The following CUL2 variants were observed in gnomAD, a reference collection of about 807,000 sequenced individuals.
CUL2 encodes the protein cullin-2.
CUL2 carries 22 observed loss-of-function variants against 110.2 expected under a neutral mutation model. That is an observed-to-expected ratio of 0.20 (90% CI 0.14 to 0.28). The LOEUF is 0.28. Ranked by LOEUF, CUL2 falls within the 10% of genes least tolerant of loss-of-function variation. CUL2 has a pLI of 1.00. For synonymous variants in CUL2, 279 were observed against 293.2 expected (o/e 0.95, Z 0.49); for missense variants, 631 against 905.5 (o/e 0.70, Z 3.89).
rs113575976 is a variant in CUL2, at chr10:35,050,501, C to T, written c.424-736G>A. Among the ~76,000 whole-genome samples the T allele has an allele frequency of 1.8e-3, 269 of 151,996 alleles. 1 individual carries two copies. Among genetic ancestry groups the T allele is most frequent in the African/African-American group, 6.0e-3 (248 of 41,496 alleles). On this transcript the variant is annotated intron_variant, in intron 5 of 20. Coordinates refer to ENST00000374749, the MANE Select transcript of CUL2 (RefSeq NM_003591.4). Reference sequence around the variant, plus strand: ...TTATACCAACATAAAAAGAGCAAGTCGGTTAAAAGAGTAATAAAACATTCC... The same window carrying T: ...TTATACCAACATAAAAAGAGCAAGTTGGTTAAAAGAGTAATAAAACATTCC...
intron 19 of CUL2, among the ~76,000 whole-genome samples, chr10:35,013,388 AC>A (rs112186161): frequency 0.013 from 2,048 of 151,748 alleles, 49 homozygotes; most frequent in African/African-American, 0.047. Context: ...CCCTTATTTT[AC>A]AAATGAAAAA....
intron 17 of CUL2, among the ~76,000 whole-genome samples, chr10:35,019,105 C>A (rs2085121340): frequency 6.6e-6 from 1 of 152,178 alleles, no homozygotes; most frequent in Non-Finnish European, 1.5e-5. Flanking sequence ...TAAAACATTA[C>A]ATAAATTGCA....
At chr10:35,116,728 A>G (rs547620717) in intron 1 of CUL2, among the ~76,000 whole-genome samples, 1 of 152,314 alleles carries the variant, frequency 6.6e-6, no homozygotes, top group South Asian at 2.1e-4. Flanking sequence ...GCATTTTGGG[A>G]GGCCAATGCA....
At chr10:35,051,241 G>A (rs1362965366) in intron 5 of CUL2, among the ~76,000 whole-genome samples, 2 of 147,636 alleles carry the variant, frequency 1.4e-5, no homozygotes, top group African/African-American at 5.0e-5. Flanking sequence ...TGTGAACCCG[G>A]GAGGCGGAGC....
Position 35,018,288 on chromosome 10 carries a change from CAAAAAAAAAA to C in CUL2, c.1685-1904_1685-1895del, listed in dbSNP as rs11357517. ...GGCAACAGAGCAAGACTCCATCTCA[CAAAAAAAAAA>C]AAAAAAAAAAAAAAAAGATGAAATC... On this transcript the variant is annotated intron_variant, in intron 17 of 20. Transcript: ENST00000374749. Among the ~76,000 whole-genome samples, 5 of 75,274 alleles carry C rather than the reference CAAAAAAAAAA, an allele frequency of 6.6e-5. No individual in the cohort carries two copies. In the Admixed American group the frequency reaches 7.3e-4, roughly 11 times the overall value. The allele number at this position is 75,274 out of a possible 152,430, so 49.4% of individuals were successfully genotyped here.
chr10:35,038,894 T>C (rs988609474), intron 9 of CUL2, 26 bp downstream of exon 9: 1 of 1,504,812 alleles, frequency 6.6e-7, no homozygotes, highest in Admixed American at 2.0e-5. Context: ...ATAATTTAAT[T>C]TCTACTCATG....
chr10:35,039,558 T>G (rs1588982949), intron 8 of CUL2, among the ~76,000 whole-genome samples: 2 of 152,246 alleles, frequency 1.3e-5, no homozygotes, highest in East Asian at 3.8e-4. Flanking sequence ...ATATTAAAGA[T>G]TTAATTAAAA....
At position 35,037,423 on chromosome 10, in the gene CUL2, T is replaced by G. The variant is rs559466586; in HGVS notation, c.877+1497A>C. On this transcript the variant is annotated intron_variant, in intron 9 of 20. Transcript: ENST00000374749. Reference sequence around the variant, plus strand: ...GCCTCACTGTCTTAATTACTATAGGTTTTACAATAAGTCTTGCTGGTCATT... The same window carrying G: ...GCCTCACTGTCTTAATTACTATAGGGTTTACAATAAGTCTTGCTGGTCATT... Among the ~76,000 whole-genome samples, 96 of 152,330 alleles carry G rather than the reference T, an allele frequency of 6.3e-4. 1 individual carries two copies. In the South Asian group the frequency reaches 0.018, roughly 29 times the overall value.
At chr10:35,037,384 G>A (rs1379599494) in intron 9 of CUL2, among the ~76,000 whole-genome samples, 1 of 152,204 alleles carries the variant, frequency 6.6e-6, no homozygotes, top group East Asian at 1.9e-4. Context: ...ATATCTGTCT[G>A]TCCTTGTACC....
chr10:35,044,639 TCA>T lies in CUL2; in HGVS notation c.639_640del (p.Glu214AsnfsTer28), dbSNP rs1426371441. ...TTCTTGTTTGTAATACTCTCCTGTTTCAGTCAGAAAGGGAGACTCAAAAATTT... is the reference window on the plus strand; with the variant it reads ...TTCTTGTTTGTAATACTCTCCTGTTTGTCAGAAAGGGAGACTCAAAAATTT... On this transcript the variant is annotated frameshift_variant, in exon 8 of 21. Coordinates refer to ENST00000374749, the MANE Select transcript of CUL2 (RefSeq NM_003591.4). LOFTEE classifies it high-confidence loss of function. 6.2e-7 allele frequency: 1 copy of T among 1,611,238 alleles called. No homozygotes were observed. Among genetic ancestry groups the T allele is most frequent in the Non-Finnish European group, 8.5e-7 (1 of 1,179,400 alleles).
intron 2 of CUL2, among the ~76,000 whole-genome samples, chr10:35,064,650 T>C (rs1291840709): frequency 6.6e-6 from 1 of 152,206 alleles, no homozygotes; most frequent in Non-Finnish European, 1.5e-5. Context: ...TACTTACTTA[T>C]AAATTTTTTA....
At chr10:35,097,611 A>C (rs1458337571) in intron 2 of CUL2, among the ~76,000 whole-genome samples, 1 of 151,822 alleles carries the variant, frequency 6.6e-6, no homozygotes, top group Non-Finnish European at 1.5e-5. Context: ...ATGGCACTTT[A>C]CCTCTGTGAT....
chr10:35,066,930 C>G (rs191887396), intron 2 of CUL2, among the ~76,000 whole-genome samples: 3 of 152,148 alleles, frequency 2.0e-5, no homozygotes, highest in African/African-American at 7.2e-5. Context: ...AGGTACTTGC[C>G]TCAATATTTT....
intron 9 of CUL2, among the ~76,000 whole-genome samples, chr10:35,037,671 C>T (rs532939394): frequency 6.6e-6 from 1 of 152,108 alleles, no homozygotes; most frequent in South Asian, 2.1e-4. Flanking sequence ...AGTGAAACCT[C>T]GTCTCTACTA....
chr10:35,106,116 G>A (rs1183878351), intron 1 of CUL2, among the ~76,000 whole-genome samples: 1 of 152,090 alleles, frequency 6.6e-6, no homozygotes, highest in African/African-American at 2.4e-5. Context: ...GAGGTGTTAC[G>A]TCATCAGGGT....
chr10:35,107,869 G>A (rs540235027), intron 1 of CUL2, among the ~76,000 whole-genome samples: 118 of 117,104 alleles, frequency 1.0e-3, no homozygotes, highest in Middle Eastern at 6.2e-3. Flanking sequence ...GCAACAGAGC[G>A]AGACTCCATC....
intron 7 of CUL2, 28 bp from the exon 8 acceptor site, chr10:35,044,704 A>G: frequency 6.3e-7 from 1 of 1,585,918 alleles, no homozygotes. Flanking sequence ...ATCATATTAG[A>G]AGAAATTAGA....
intron 2 of CUL2, among the ~76,000 whole-genome samples, chr10:35,065,110 T>C (rs116830988): frequency 6.6e-6 from 1 of 152,244 alleles, no homozygotes; most frequent in Non-Finnish European, 1.5e-5. Context: ...CAATTAACTA[T>C]GTTCTTTTTC....
chr10:35,050,748 C>G (rs1350463738), intron 5 of CUL2, among the ~76,000 whole-genome samples: 1 of 152,174 alleles, frequency 6.6e-6, no homozygotes, highest in Non-Finnish European at 1.5e-5. Context: ...GCTGATGTGT[C>G]TGTGATTCCT....
Sources: allele counts gnomAD v4.1 joint callset (sites outside exome capture counted in the v4.1 genomes callset), GRCh38; gene constraint gnomAD v4.1.1; transcripts MANE v1.5; gene names NCBI Gene and HGNC (gene_info 2026-07-23, HGNC 2026-07-21).